Variants in GRM7 observed in about 807,000 individuals in gnomAD.
The protein encoded by GRM7 is glutamate metabotropic receptor 7.
GRM7 carries 35 observed loss-of-function variants against 84.5 expected under a neutral mutation model. That is an observed-to-expected ratio of 0.41 (90% CI 0.32 to 0.55). GRM7 has a LOEUF of 0.55. GRM7 is among the 20% of genes least tolerant of loss of function. The pLI, the probability that GRM7 is intolerant of heterozygous loss-of-function variation, is 0.19. For synonymous variants in GRM7, 487 were observed against 455.1 expected (o/e 1.07, Z -0.89); for missense variants, 1,003 against 1,194.6 (o/e 0.84, Z 2.36).
At position 7,062,741 on chromosome 3, in the gene GRM7, AC is replaced by A. The variant is rs1697473753; in HGVS notation, c.520-83708del. The stretch of plus-strand genomic sequence containing the variant: ...GTTAATTCATGCAAAAATGGTGATA[AC>A]CCATATCAACATTAGATGGTTGTCA... On this transcript the variant is annotated intron_variant, in intron 1 of 9. Transcript: ENST00000357716. Among the ~76,000 whole-genome samples, 3 of 151,858 alleles carry A rather than the reference AC, an allele frequency of 2.0e-5. 1 individual carries two copies. In the South Asian group the frequency reaches 6.2e-4, roughly 31 times the overall value.
intron 5 of GRM7, among the ~76,000 whole-genome samples, chr3:7,418,194 T>C (rs1051258885): frequency 6.6e-6 from 1 of 152,164 alleles, no homozygotes; most frequent in Non-Finnish European, 1.5e-5. Flanking sequence ...ATTTCCACTT[T>C]CCTTGATACC....
At chr3:7,065,133 G>A (rs747644577) in intron 1 of GRM7, among the ~76,000 whole-genome samples, 5 of 151,926 alleles carry the variant, frequency 3.3e-5, no homozygotes. Flanking sequence ...CTCCAACTCT[G>A]TGGGTTGTCT....
At chr3:7,172,654 T>A (rs1695023562) in intron 2 of GRM7, among the ~76,000 whole-genome samples, 1 of 151,572 alleles carries the variant, frequency 6.6e-6, no homozygotes, top group African/African-American at 2.4e-5. Context: ...GATGTTGAAT[T>A]TCCGAAAAGA....
intron 1 of GRM7, among the ~76,000 whole-genome samples, chr3:7,024,096 A>G (rs1378225205): frequency 1.3e-5 from 2 of 152,060 alleles, no homozygotes; most frequent in Non-Finnish European, 2.9e-5. Flanking sequence ...TTTTTCTTCC[A>G]GTCTCCTCAG....
At chr3:7,416,186 A>T (rs1696151230) in intron 5 of GRM7, among the ~76,000 whole-genome samples, 1 of 151,992 alleles carries the variant, frequency 6.6e-6, no homozygotes, top group Non-Finnish European at 1.5e-5. Context: ...GTGTAGAGAG[A>T]TGGTCCAGAA....
intron 5 of GRM7, among the ~76,000 whole-genome samples, chr3:7,419,479 A>T (rs1021379725): frequency 6.6e-6 from 1 of 152,130 alleles, no homozygotes; most frequent in African/African-American, 2.4e-5. Flanking sequence ...TCAACATCTC[A>T]TATCCCAACA....
intron 5 of GRM7, among the ~76,000 whole-genome samples, chr3:7,447,178 G>A (rs752726616): frequency 5.3e-5 from 8 of 152,036 alleles, no homozygotes; most frequent in South Asian, 2.1e-4. Flanking sequence ...CCTAGAAAAC[G>A]TGATGAAAAG....
At chr3:7,216,377 T>C (rs1696610901) in intron 2 of GRM7, among the ~76,000 whole-genome samples, 2 of 152,234 alleles carry the variant, frequency 1.3e-5, no homozygotes, top group South Asian at 4.1e-4. Context: ...TATGTATTTG[T>C]GTTTCTGTAT....
intron 9 of GRM7, among the ~76,000 whole-genome samples, chr3:7,724,140 AGAACCATGCCTGCCTGTAATACG>A (rs1184897241): frequency 1.2e-4 from 19 of 152,134 alleles, no homozygotes; most frequent in African/African-American, 4.6e-4. Flanking sequence ...ATAGGTGCCC[AGAACCATGCCTGCCTGTAATACG>A]GAACCATGCC....
At chr3:7,171,675 A>G (rs576368246) in intron 2 of GRM7, among the ~76,000 whole-genome samples, 5 of 152,322 alleles carry the variant, frequency 3.3e-5, no homozygotes, top group African/African-American at 1.2e-4. Context: ...AAACAAACAA[A>G]AGGTAAACCG....
chr3:7,687,828 G>A (rs997574721), intron 9 of GRM7, among the ~76,000 whole-genome samples: 2 of 152,074 alleles, frequency 1.3e-5, no homozygotes, highest in African/African-American at 4.8e-5. Flanking sequence ...CTTCCAAAGA[G>A]TAATGACATT....
chr3:7,088,942 G>T (rs1698560527), intron 1 of GRM7, among the ~76,000 whole-genome samples: 1 of 152,048 alleles, frequency 6.6e-6, no homozygotes, highest in Non-Finnish European at 1.5e-5. Context: ...TAAAAACAGA[G>T]CTCTCTTCAG....
intron 1 of GRM7, among the ~76,000 whole-genome samples, chr3:6,875,646 A>G (rs1695275404): frequency 6.6e-6 from 1 of 152,126 alleles, no homozygotes; most frequent in Non-Finnish European, 1.5e-5. Flanking sequence ...CAATCACCTG[A>G]GTTTTCTTTA....
At chr3:7,542,612 A>G (rs1460282219) in intron 7 of GRM7, among the ~76,000 whole-genome samples, 3 of 149,980 alleles carry the variant, frequency 2.0e-5, no homozygotes, top group African/African-American at 7.4e-5. Context: ...CAGTCACACA[A>G]TCTTGGCTCA....
At chr3:7,110,663 A>G (rs1692816761) in intron 1 of GRM7, among the ~76,000 whole-genome samples, 1 of 123,080 alleles carries the variant, frequency 8.1e-6, no homozygotes, top group African/African-American at 3.6e-5. Context: ...TTCCCAGTCT[A>G]AGTCCTTTGG....
chr3:7,447,732 T>C (rs1229781474), intron 5 of GRM7, among the ~76,000 whole-genome samples: 3 of 151,838 alleles, frequency 2.0e-5, no homozygotes, highest in African/African-American at 4.8e-5. Flanking sequence ...AAACTCTTTT[T>C]TTTTTAATAT....
At chr3:7,466,873 C>T (rs1033526199) in intron 7 of GRM7, among the ~76,000 whole-genome samples, 1 of 152,278 alleles carries the variant, frequency 6.6e-6, no homozygotes, top group Non-Finnish European at 1.5e-5. Flanking sequence ...TTAAAACTTA[C>T]ACTTCACACC....
In GRM7 at chr3:7,562,161, A is replaced by G. The variant is rs1485408120; in HGVS notation, c.1516-16261A>G. Among the ~76,000 whole-genome samples, 18 of 152,088 alleles carry G rather than the reference A, an allele frequency of 1.2e-4. 1 individual carries two copies. ...GCATTAACCCATTGCCCTGTAAGAC[A>G]GAGGTTGACTTTTTAGTTTTTCTTG... On this transcript the variant is annotated intron_variant, in intron 7 of 9. Transcript: ENST00000357716.
chr3:7,620,603 A>G (rs1456142014), intron 8 of GRM7, among the ~76,000 whole-genome samples: 1 of 152,164 alleles, frequency 6.6e-6, no homozygotes, highest in Non-Finnish European at 1.5e-5. Flanking sequence ...CACAGAACCA[A>G]TATTATATAT....
Sources: gnomAD v4.1 joint callset for allele counts (sites outside exome capture counted in the v4.1 genomes callset) on GRCh38, gnomAD v4.1.1 for gene constraint, MANE v1.5 for transcripts, NCBI Gene and HGNC (gene_info 2026-07-23, HGNC 2026-07-21) for gene names.